FLT4: variants seen among roughly 807,000 people sequenced by gnomAD.
The protein encoded by FLT4 is fms related receptor tyrosine kinase 4.
A neutral mutation model predicts 163.2 loss-of-function variants in FLT4; 30 were observed. The observed-to-expected ratio is 0.18, with a 90% CI of 0.14 to 0.25. The LOEUF is 0.25. FLT4 is among the 10% of genes least tolerant of loss of function. The pLI, the probability that FLT4 is intolerant of heterozygous loss-of-function variation, is 1.00. For missense variants in FLT4, 1,510 were observed against 1,863.8 expected, an observed-to-expected ratio of 0.81 and a Z score of 3.50; for synonymous variants, 884 against 789.5, an observed-to-expected ratio of 1.12 and a Z score of -2.01.
At chr5:180,633,731 G>A (rs1428521115) in intron 1 of FLT4, among the ~76,000 whole-genome samples, 4 of 152,176 alleles carry the variant, frequency 2.6e-5, no homozygotes, top group Non-Finnish European at 5.9e-5. Flanking sequence ...GGGCACCGGA[G>A]TGGGTGGTGG....
At chr5:180,649,680 C>T (rs1269106104), upstream of FLT4, 2 of 256,588 alleles carry the variant, frequency 7.8e-6, no homozygotes, top group Non-Finnish European at 1.3e-5. Context: ...CAGGCCGCTC[C>T]CCGCGCCCCC....
At chr5:180,633,661 ATT>A (rs915489063) in intron 1 of FLT4, among the ~76,000 whole-genome samples, 1 of 151,628 alleles carries the variant, frequency 6.6e-6, no homozygotes. Context: ...AAGGAGGGGG[ATT>A]TTTTTTCCAG....
chr5:180,628,854 G>T (rs775551212), intron 8 of FLT4, 28 bp downstream of exon 8: 2 of 1,477,110 alleles, frequency 1.4e-6, no homozygotes. Context: ...GGGTATCGGC[G>T]GGGTCGGTGG....
In FLT4 at chr5:180,622,846, G is replaced by C. The variant is rs779972498; in HGVS notation, c.1549-7C>G. 1 of 1,594,750 alleles carries C rather than the reference G, an allele frequency of 6.3e-7. No homozygotes were observed. Among genetic ancestry groups the C allele is most frequent in the Non-Finnish European group, 8.6e-7 (1 of 1,163,190 alleles). ...TCACCAGCTTGCTCACAGTCTGGGA[G>C]AGCACAGGCACAAGGATCCATTTCC... On this transcript the variant is annotated splice_polypyrimidine_tract_variant and splice_region_variant and intron_variant, in intron 11 of 29. Transcript: ENST00000261937.
chr5:180,619,028 G>C lies in FLT4; in HGVS notation c.2843C>G (p.Pro948Arg), dbSNP rs1554111911. The C allele has an allele frequency of 3.9e-6, 6 of 1,551,846 alleles. No individual in the cohort carries two copies. The highest frequency in any genetic ancestry group is 4.4e-6 in the Non-Finnish European group (5 of 1,148,914). ...CGCAGGCCGCCCGCTCACCGCGCAG[G>C]GGCTGAAGGCGTCCCGCTTGGCGCG... is the stretch of plus-strand genomic sequence containing the variant. ...FLRAKRDAFS[P>R]CAEKSPEQRG... Residue 948 changes from proline (P) to arginine (R), a missense_variant, in exon 20 of 30, where the codon CCC becomes CGC. By Grantham distance (103) the Pro-to-Arg change is moderately radical. Coordinates refer to ENST00000261937, the MANE Select transcript of FLT4 (RefSeq NM_182925.5).
In FLT4 at chr5:180,601,820, C is replaced by T. The variant is rs1254437514; in HGVS notation, c.*1372G>A. 6.9e-5 allele frequency: 16 copies of T among 232,744 alleles called. No homozygotes were observed. Among genetic ancestry groups the T allele is most frequent in the African/African-American group, 6.6e-5 (3 of 45,226 alleles). The allele number at this position is 232,744 out of a possible 1,614,324, so 14.4% of individuals were successfully genotyped here. ...GCACTCGGCATATCCTGGAGTAACG[C>T]GCAGTGGGGGAGGTGGGGAGGGGAG... On this transcript the variant is annotated 3_prime_UTR_variant, in exon 30 of 30. Coordinates refer to ENST00000261937, the MANE Select transcript of FLT4 (RefSeq NM_182925.5).
Position 180,628,873 on chromosome 5 carries a change from G to A in FLT4, c.1103+9C>T. On this transcript the variant is annotated intron_variant, in intron 8 of 29. Coordinates refer to ENST00000261937, the MANE Select transcript of FLT4 (RefSeq NM_182925.5). ...ATCGGCGGGGTCGGTGGGGAGCCAG[G>A]GCTGTTACCACTGGAACTCGGGCGG... The A allele has an allele frequency of 3.8e-6, 6 of 1,576,550 alleles. No homozygotes were observed. The highest frequency in any genetic ancestry group is 5.2e-6 in the Non-Finnish European group (6 of 1,152,316).
chr5:180,616,231 G>A, intron 23 of FLT4, 136 bp downstream of exon 23: 1 of 1,258,110 alleles, frequency 7.9e-7, no homozygotes, highest in South Asian at 1.2e-5. Context: ...TCCACCAGCA[G>A]CTGGGCACAT....
At chr5:180,619,144 A>C (rs2127807918) in intron 19 of FLT4, 35 bp from the exon 20 acceptor site, 1 of 1,426,588 alleles carries the variant, frequency 7.0e-7, no homozygotes. Context: ...GTGCGTTCGG[A>C]ACCCGGGGCG....
rs148386887 is a variant in FLT4 at position 180,621,633 on chromosome 5, G to A, written c.1929C>T (p.Val643=). The change falls in exon 13 of 30, where the codon GTC becomes GTT. Residue 643 remains valine (V), a synonymous_variant. Transcript: ENST00000261937. ...HATLSLSIPR[V]APEHEGHYVC... is the part of the protein sequence containing the mutation. ...CATAGTGGCCCTCGTGCTCGGGCGC[G>A]ACGCGGGGGATACTCAGGCTGAGCG... 7 of 1,605,752 alleles carry A rather than the reference G, an allele frequency of 4.4e-6. No individual in the cohort carries two copies. Among genetic ancestry groups the A allele is most frequent in the East Asian group, 2.2e-5 (1 of 44,694 alleles).
chr5:180,608,810 G>A (rs1308059299), intron 29 of FLT4, among the ~76,000 whole-genome samples, 158 bp downstream of exon 29: 1 of 152,188 alleles, frequency 6.6e-6, no homozygotes, highest in African/African-American at 2.4e-5. Context: ...TGTAGGTCAG[G>A]AGGGGTCTCA....
chr5:180,605,922 A>AC (rs1561686513), intron 29 of FLT4, among the ~76,000 whole-genome samples: 1 of 152,118 alleles, frequency 6.6e-6, no homozygotes, highest in Non-Finnish European at 1.5e-5. Flanking sequence ...GAGGAGGTGA[A>AC]CCCCCATGGG....
In FLT4 at chr5:180,649,488, C is replaced by A. The variant is rs749884420; in HGVS notation, c.58G>T (p.Gly20Cys). 1.4e-6 allele frequency: 2 copies of A among 1,458,098 alleles called. No homozygotes were observed. The highest frequency in any genetic ancestry group is 1.5e-5 in the African/African-American group (1 of 67,636). The allele number at this position is 1,458,098 out of a possible 1,614,324, so 90.3% of individuals were successfully genotyped here. The stretch of plus-strand genomic sequence containing the variant: ...CGGGTGGCCCGTTCGCCGCGCTCAC[C>A]GTCCAGGAGTCCCAGGCAGAGCCAC... ...RLWLCLGLLD[G>C]LVSGYSMTPP... is the part of the protein sequence containing the mutation. Residue 20 changes from glycine (G) to cysteine (C), a missense_variant and splice_region_variant, in exon 1 of 30, where the codon GGC (glycine) becomes TGC (cysteine). By Grantham distance (159) the Gly-to-Cys change is radical (BLOSUM62 -3). Coordinates refer to ENST00000261937, the MANE Select transcript of FLT4 (RefSeq NM_182925.5).
Position 180,618,902 on chromosome 5 carries a change from G to C in FLT4, c.2869C>G (p.Arg957Gly), listed in dbSNP as rs1231089968. Residue 957 changes from arginine (R) to glycine (G), a missense_variant, in exon 21 of 30, where the codon CGC (arginine) becomes GGC (glycine). Around this residue, in one of 5 missense-constraint regions of FLT4, gnomAD observed 878 missense variants for 1,016.7 expected, o/e 0.86. Transcript: ENST00000261937. ...TCCACCATGGCGCGGAAGCGTCCGCGCTGCTCGGGAGACTTCTCCTGCGGA... is the reference window on the plus strand; with the variant it reads ...TCCACCATGGCGCGGAAGCGTCCGCCCTGCTCGGGAGACTTCTCCTGCGGA... ...SPCAEKSPEQ[R>G]GRFRAMVELA... 6.3e-7 allele frequency: 1 copy of C among 1,586,094 alleles called. No individual in the cohort carries two copies. The highest frequency in any genetic ancestry group is 2.3e-5 in the East Asian group (1 of 43,648).
At chr5:180,644,817 G>A (rs1240058183) in intron 1 of FLT4, among the ~76,000 whole-genome samples, 1 of 152,234 alleles carries the variant, frequency 6.6e-6, no homozygotes, top group Non-Finnish European at 1.5e-5. Context: ...GAGTAGCTTC[G>A]AGGACAGTGT....
At chr5:180,611,865 G>A (rs1762227254) in intron 26 of FLT4, 1 of 354,124 alleles carries the variant, frequency 2.8e-6, no homozygotes, top group South Asian at 2.7e-5. Flanking sequence ...GATGAGGCAG[G>A]TGGGGCAGGC....
Position 180,602,520 on chromosome 5 carries a change from A to G in FLT4, c.*672T>C, listed in dbSNP as rs1761566426. 1 of 399,004 alleles carries G rather than the reference A, an allele frequency of 2.5e-6. No homozygotes were observed. The highest frequency in any genetic ancestry group is 4.4e-6 in the Non-Finnish European group (1 of 226,622). 24.7% of individuals were successfully genotyped at this position (399,004 alleles called of 1,614,324 possible). On this transcript the variant is annotated 3_prime_UTR_variant, in exon 30 of 30. Coordinates refer to ENST00000261937, the MANE Select transcript of FLT4 (RefSeq NM_182925.5). ...TGAAGTTCTGTTGAAAAAGACTTGC[A>G]GGATGGCTCTCAACACCCAGGCGCA...
chr5:180,632,409 G>T (rs1025110235), intron 1 of FLT4, among the ~76,000 whole-genome samples: 1 of 151,714 alleles, frequency 6.6e-6, no homozygotes, highest in Admixed American at 6.6e-5. Flanking sequence ...AGCCTCCTCC[G>T]GGCTCTCCCT....
intron 2 of FLT4, among the ~76,000 whole-genome samples, chr5:180,631,398 G>A (rs530814757): frequency 2.8e-4 from 42 of 152,180 alleles, no homozygotes; most frequent in Middle Eastern, 6.8e-3. Flanking sequence ...GCGTGAACCC[G>A]GGAGGCAGAG....
Sources: gnomAD v4.1 joint callset for allele counts (sites outside exome capture counted in the v4.1 genomes callset) on GRCh38, gnomAD v4.1.1 for gene constraint, gnomAD v4.1.1 regional missense constraint, MANE v1.5 for transcripts, NCBI Gene and HGNC (gene_info 2026-07-23, HGNC 2026-07-21) for gene names.